Variants in TAF1 observed in about 807,000 individuals in gnomAD.
TAF1 encodes transcription initiation factor TFIID subunit 1.
A neutral mutation model predicts 138.5 loss-of-function variants in TAF1; 2 were observed. The observed-to-expected ratio is 0.01, with a 90% CI of 0.01 to 0.05. The LOEUF (loss-of-function observed/expected upper bound fraction) is 0.05, where lower values mean the gene tolerates loss of function less well. Among genes scored for constraint, TAF1 ranks in the 10% least tolerant of loss-of-function variants. The pLI is 1.00. For synonymous variants in TAF1, 437 were observed against 503.2 expected (o/e 0.87, Z 1.76); for missense variants, 709 against 1,478.0 (o/e 0.48, Z 8.53).
Position 71,460,710 on chromosome X carries a change from A to G in TAF1, c.5306A>G (p.Asn1769Ser), listed in dbSNP as rs147517498. The G allele has an allele frequency of 1.6e-3, 1,958 of 1,208,743 alleles. 21 individuals carry two copies. Among genetic ancestry groups the G allele is most frequent in the Non-Finnish European group, 3.6e-4 (318 of 894,557 alleles). ...AAACAACCCCGCATGCTTCAGGAGAACACAAGGATGGACATGGAAAATGAA... is the reference window on the plus strand; with the variant it reads ...AAACAACCCCGCATGCTTCAGGAGAGCACAAGGATGGACATGGAAAATGAA... ...RPKQPRMLQENTRMDMENEES... is the reference protein window; with the variant it reads ...RPKQPRMLQESTRMDMENEES... The change falls in exon 37 of 38, where the codon AAC (asparagine) becomes AGC (serine). Residue 1769 changes from asparagine to serine, a missense_variant. By Grantham distance (46) the Asn-to-Ser change is conservative. Transcript: ENST00000423759.
At chrX:71,455,213 T>A (rs2148817709) in intron 34 of TAF1, among the ~76,000 whole-genome samples, 1 of 111,407 alleles carries the variant, frequency 9.0e-6, no homozygotes, top group East Asian at 2.8e-4. Context: ...ACTTCTCAGT[T>A]ACAGACATGG....
At chrX:71,383,649 A>G (rs1285240671) in intron 12 of TAF1, among the ~76,000 whole-genome samples, 2 of 112,029 alleles carry the variant, frequency 1.8e-5, no homozygotes, top group African/African-American at 6.5e-5. Flanking sequence ...ATGCTATGTG[A>G]ATAGTTGTTA....
chrX:71,367,672 T>C, intron 2 of TAF1, 59 bp downstream of exon 2: 1 of 1,140,653 alleles, frequency 8.8e-7, no homozygotes, highest in Non-Finnish European at 1.2e-6. Context: ...ACTATGTATG[T>C]ACTTTTTTGT....
chrX:71,454,136 C>G, intron 32 of TAF1, 34 bp from the exon 33 acceptor site: 1 of 1,160,856 alleles, frequency 8.6e-7, no homozygotes, highest in Non-Finnish European at 1.2e-6. Flanking sequence ...AACAAGTCTG[C>G]AAAGATAATG....
intron 32 of TAF1, among the ~76,000 whole-genome samples, chrX:71,425,654 AAAAT>A (rs966946748): frequency 5.4e-5 from 6 of 111,275 alleles, no homozygotes; most frequent in Non-Finnish European, 7.5e-5. Flanking sequence ...ATAAATAAAT[AAAAT>A]AAATAAGTAA....
downstream of TAF1, among the ~76,000 whole-genome samples, chrX:71,470,121 C>CA (rs1352096172): frequency 8.9e-6 from 1 of 111,948 alleles, no homozygotes; most frequent in African/African-American, 3.2e-5. Flanking sequence ...TAGCTATAGA[C>CA]AAACAGGTTA....
At chrX:71,410,522 G>A (rs1237203075) in intron 28 of TAF1, among the ~76,000 whole-genome samples, 1 of 92,756 alleles carries the variant, frequency 1.1e-5, no homozygotes, top group African/African-American at 4.3e-5. Flanking sequence ...CAGTGGCGCT[G>A]TCTTGGCTCA....
At chrX:71,528,905 A>G (rs2040050355) in intron 14 of TAF1, among the ~76,000 whole-genome samples, 1 of 111,587 alleles carries the variant, frequency 9.0e-6, no homozygotes, top group African/African-American at 3.3e-5. Context: ...CATCCTGCTG[A>G]TTGGTCCATT....
chrX:71,452,845 G>A (rs993356119), intron 32 of TAF1, among the ~76,000 whole-genome samples: 2 of 112,398 alleles, frequency 1.8e-5, no homozygotes, highest in South Asian at 3.7e-4. Context: ...GATCACTCGC[G>A]GTTAGGAGCT....
chrX:71,406,127 G>A (rs1569311092), intron 25 of TAF1, among the ~76,000 whole-genome samples: 1 of 109,588 alleles, frequency 9.1e-6, no homozygotes, highest in Non-Finnish European at 1.9e-5. Flanking sequence ...TCAGGAGTTC[G>A]AGACCCGCCT....
chrX:71,489,238 A>G (rs948204027), intron 13 of TAF1, among the ~76,000 whole-genome samples: 2 of 110,877 alleles, frequency 1.8e-5, no homozygotes, highest in Admixed American at 1.9e-4. Flanking sequence ...ATCTTGGCCA[A>G]ATGTAGAAGT....
intron 32 of TAF1, among the ~76,000 whole-genome samples, chrX:71,451,079 A>C (rs1162206888): frequency 8.9e-6 from 1 of 112,808 alleles, no homozygotes; most frequent in African/African-American, 3.2e-5. Context: ...GTTATCAACT[A>C]AGTTTTTTTC....
At chrX:71,406,285 C>T (rs1249972107) in intron 25 of TAF1, among the ~76,000 whole-genome samples, 2 of 101,361 alleles carry the variant, frequency 2.0e-5, no homozygotes, top group Non-Finnish European at 3.9e-5. Flanking sequence ...GCTGACATTG[C>T]GCCATTGCAC....
chrX:71,483,878 G>T (rs1223017062), intron 13 of TAF1, among the ~76,000 whole-genome samples: 3 of 102,246 alleles, frequency 2.9e-5, no homozygotes, highest in African/African-American at 1.1e-4. Flanking sequence ...ATTTTATTGA[G>T]ATATTTATAA....
At chrX:71,451,101 C>G (rs1417924956) in intron 32 of TAF1, among the ~76,000 whole-genome samples, 3 of 112,551 alleles carry the variant, frequency 2.7e-5, no homozygotes, top group Non-Finnish European at 5.6e-5. Context: ...AAAAAGCCTT[C>G]TATTGAAATA....
In TAF1 at chrX:71,394,227, C is replaced by G; in HGVS notation, c.3388C>G (p.Leu1130Val). Reference sequence around the variant, plus strand: ...ACGGGAGGAACAGGAGCGGAAGGAACTACAGCGAATGCTACTGGGTGAGGA... The same window carrying G: ...ACGGGAGGAACAGGAGCGGAAGGAAGTACAGCGAATGCTACTGGGTGAGGA... ...REREEQERKE[L>V]QRMLLAAGSA... is the part of the protein sequence containing the mutation. Residue 1130 changes from leucine (L) to valine (V), a missense_variant, in exon 22 of 38, where the codon CTA becomes GTA. Physicochemically the swap from Leu to Val is conservative, Grantham distance 32 (BLOSUM62 1). Coordinates refer to ENST00000423759, the MANE Select transcript of TAF1 (RefSeq NM_004606.5). The G allele has an allele frequency of 8.3e-7, 1 of 1,209,010 alleles. No individual in the cohort carries two copies. Among genetic ancestry groups the G allele is most frequent in the Non-Finnish European group, 1.1e-6 (1 of 894,134 alleles).
chrX:71,506,382 TAA>T (rs777197499), intron 13 of TAF1, among the ~76,000 whole-genome samples: 9 of 78,508 alleles, frequency 1.1e-4, no homozygotes, highest in Admixed American at 1.5e-4. Context: ...AGACCTCATC[TAA>T]AAAAAAAAAA....
At position 71,419,825 on chromosome X, in the gene TAF1, C is replaced by G. The variant is rs769336754; in HGVS notation, c.4385-1484C>G. ...ATGGGGAGCAGCTTGCTAGTTGAGA[C>G]GTGTCCATGGCGAATCCCCAGAGTG... is the stretch of plus-strand genomic sequence containing the variant. On this transcript the variant is annotated intron_variant, in intron 28 of 37. Transcript: ENST00000423759. Among the ~76,000 whole-genome samples the G allele has an allele frequency of 1.1e-4, 12 of 111,687 alleles. No homozygotes were observed. In the East Asian group the frequency reaches 3.4e-3, roughly 32 times the overall value.
chrX:71,471,332 A>AATAT (rs1556018472), intron 13 of TAF1, among the ~76,000 whole-genome samples: 1 of 99,041 alleles, frequency 1.0e-5, no homozygotes, highest in Non-Finnish European at 2.0e-5. Context: ...AAAAAAAAAA[A>AATAT]ATATATATAT....
Sources: gnomAD v4.1 joint callset for allele counts (sites outside exome capture counted in the v4.1 genomes callset) on GRCh38, gnomAD v4.1.1 for gene constraint, MANE v1.5 for transcripts, NCBI Gene and HGNC (gene_info 2026-07-23, HGNC 2026-07-21) for gene names.